SAMD5: variants seen among roughly 807,000 people sequenced by gnomAD.
SAMD5 encodes sterile alpha motif domain containing 5, also known as sterile alpha motif domain-containing protein 5.
SAMD5 carries 13 observed loss-of-function variants against 11.3 expected under a neutral mutation model. That is an observed-to-expected ratio of 1.15 (90% CI 0.75 to 1.83). The LOEUF is 1.83. SAMD5 is among the 40% of genes most tolerant of loss of function. SAMD5 has a pLI of 0.00. For synonymous variants in SAMD5, 129 were observed against 111.3 expected, an observed-to-expected ratio of 1.16 and a Z score of -1.00; for missense variants, 255 against 239.1, an observed-to-expected ratio of 1.07 and a Z score of -0.44.
the SAMD5 span, among the ~76,000 whole-genome samples, chr6:147,789,462 T>G: frequency 6.6e-6 from 1 of 152,186 alleles, no homozygotes; most frequent in Non-Finnish European, 1.5e-5. Context: ...TTTAGGAGGA[T>G]GATATGTAAA....
the SAMD5 span, among the ~76,000 whole-genome samples, chr6:147,914,561 G>A: frequency 6.6e-6 from 1 of 152,272 alleles, no homozygotes; most frequent in Middle Eastern, 3.4e-3. Context: ...AAGAAGTGCT[G>A]AATTGGAGAG....
At chr6:147,530,147 G>A (rs1164953230) in intron 1 of SAMD5, among the ~76,000 whole-genome samples, 1 of 152,210 alleles carries the variant, frequency 6.6e-6, no homozygotes, top group African/African-American at 2.4e-5. Context: ...AAACATATTA[G>A]AGGTTTCGCT....
chr6:147,704,525 T>C (rs1477449690), intron 1 of SAMD5, among the ~76,000 whole-genome samples: 2 of 152,108 alleles, frequency 1.3e-5, no homozygotes, highest in Non-Finnish European at 2.9e-5. Context: ...AATTTGTAGT[T>C]AATTACAAAT....
chr6:147,617,775 T>C (rs547275006), intron 1 of SAMD5, among the ~76,000 whole-genome samples: 5 of 152,336 alleles, frequency 3.3e-5, no homozygotes, highest in African/African-American at 1.2e-4. Flanking sequence ...AGCAAATACT[T>C]CCAATGGCAT....
At chr6:147,551,485 A>G (rs977906398) in intron 1 of SAMD5, among the ~76,000 whole-genome samples, 2 of 152,270 alleles carry the variant, frequency 1.3e-5, no homozygotes, top group East Asian at 1.9e-4. Flanking sequence ...CTAAGCACTT[A>G]CCATGCGAGT....
chr6:147,816,280 C>CAAAAAAAAAA, the SAMD5 span, among the ~76,000 whole-genome samples: 10 of 12,690 alleles, frequency 7.9e-4, 1 homozygote, highest in African/African-American at 1.8e-3. Flanking sequence ...AACTCCGTCT[C>CAAAAAAAAAA]CAAAAAAAAA....
intron 1 of SAMD5, among the ~76,000 whole-genome samples, chr6:147,605,635 C>T (rs1789688281): frequency 6.6e-6 from 1 of 152,036 alleles, no homozygotes; most frequent in Non-Finnish European, 1.5e-5. Context: ...TTTTTAAAAC[C>T]TATTGAAATT....
intron 1 of SAMD5, among the ~76,000 whole-genome samples, chr6:147,642,915 T>C (rs1359560104): frequency 1.3e-5 from 2 of 152,202 alleles, no homozygotes; most frequent in Non-Finnish European, 2.9e-5. Flanking sequence ...CCATCTGCAC[T>C]GTTGTCACCC....
the SAMD5 span, among the ~76,000 whole-genome samples, chr6:147,797,914 T>C: frequency 6.6e-6 from 1 of 151,212 alleles, no homozygotes; most frequent in South Asian, 2.1e-4. Context: ...GGTGGTGATA[T>C]CCCCTTTATC....
At chr6:147,742,660 A>C in the SAMD5 span, among the ~76,000 whole-genome samples, 1 of 152,200 alleles carries the variant, frequency 6.6e-6, no homozygotes, top group Non-Finnish European at 1.5e-5. Context: ...GCAGTACTCT[A>C]TCCAGTTAAG....
At chr6:147,673,506 C>T (rs1790824114) in intron 1 of SAMD5, among the ~76,000 whole-genome samples, 1 of 152,110 alleles carries the variant, frequency 6.6e-6, no homozygotes, top group Admixed American at 6.5e-5. Flanking sequence ...AGCCACCGCA[C>T]CCCGCCAAAA....
chr6:147,732,871 T>G (rs1791738510), intron 1 of SAMD5, among the ~76,000 whole-genome samples: 1 of 152,172 alleles, frequency 6.6e-6, no homozygotes, highest in Admixed American at 6.5e-5. Context: ...GAGAAAAAAT[T>G]TAAGGCACAA....
the SAMD5 span, among the ~76,000 whole-genome samples, chr6:147,928,026 G>T: frequency 1.3e-5 from 2 of 152,094 alleles, no homozygotes; most frequent in Non-Finnish European, 2.9e-5. Context: ...CTACTTGATC[G>T]TGGTGGATAA....
chr6:147,515,501 C>T (rs978966042), intron 1 of SAMD5, among the ~76,000 whole-genome samples: 1 of 151,988 alleles, frequency 6.6e-6, no homozygotes, highest in African/African-American at 2.4e-5. Context: ...TCCATTCATC[C>T]TTCCATTTAA....
chr6:147,588,448 T>C (rs1053668716), intron 1 of SAMD5, among the ~76,000 whole-genome samples: 2 of 151,094 alleles, frequency 1.3e-5, no homozygotes, highest in African/African-American at 4.9e-5. Context: ...CAAGTAGTAG[T>C]CCCAATTAGG....
intron 1 of SAMD5, among the ~76,000 whole-genome samples, chr6:147,681,848 G>A (rs1421317910): frequency 2.6e-5 from 4 of 152,282 alleles, no homozygotes; most frequent in African/African-American, 9.6e-5. Context: ...CATGAGCTAT[G>A]AGGTGTTACA....
chr6:147,803,813 T>C, the SAMD5 span, among the ~76,000 whole-genome samples: 1 of 152,184 alleles, frequency 6.6e-6, no homozygotes, highest in Middle Eastern at 3.2e-3. Context: ...TTTAGGGTCT[T>C]CCTCCAGCCT....
chr6:147,797,577 C>T, the SAMD5 span, among the ~76,000 whole-genome samples: 4 of 107,690 alleles, frequency 3.7e-5, no homozygotes, highest in South Asian at 3.6e-4. Context: ...ATGATGCTGG[C>T]CTCATAAAAT....
At chr6:147,830,875 G>A in the SAMD5 span, among the ~76,000 whole-genome samples, 2 of 152,172 alleles carry the variant, frequency 1.3e-5, no homozygotes, top group African/African-American at 4.8e-5. Flanking sequence ...ATGTTAAATA[G>A]ATTCTTGCTA....
Sources: allele counts gnomAD v4.1 joint callset (sites outside exome capture counted in the v4.1 genomes callset), GRCh38; gene constraint gnomAD v4.1.1; transcripts MANE v1.5; gene names NCBI Gene and HGNC (gene_info 2026-07-23, HGNC 2026-07-21).